The following GSK3B variants were observed in gnomAD, a reference collection of about 807,000 sequenced individuals.
GSK3B encodes the protein glycogen synthase kinase-3 beta.
GSK3B carries 15 observed loss-of-function variants against 56.4 expected under a neutral mutation model. That is an observed-to-expected ratio of 0.27 (90% CI 0.18 to 0.41). The LOEUF is 0.41. Ranked by LOEUF, GSK3B falls within the 10% of genes least tolerant of loss-of-function variation. The probability of loss-of-function intolerance (pLI) is 1.00; values close to 1 mark genes in which losing one functional copy is unlikely to be tolerated. For missense variants in GSK3B, 300 were observed against 513.4 expected, an observed-to-expected ratio of 0.58 and a Z score of 4.02; for synonymous variants, 181 against 188.9, an observed-to-expected ratio of 0.96 and a Z score of 0.34.
chr3:119,875,212 C>T (rs1222590642), intron 8 of GSK3B, among the ~76,000 whole-genome samples: 7 of 151,190 alleles, frequency 4.6e-5, no homozygotes, highest in Non-Finnish European at 1.0e-4. Context: ...TAATTAGTAA[C>T]GAGAATTTTC....
At chr3:120,034,487 T>C (rs1010183018) in intron 1 of GSK3B, among the ~76,000 whole-genome samples, 4 of 152,186 alleles carry the variant, frequency 2.6e-5, no homozygotes, top group Non-Finnish European at 5.9e-5. Flanking sequence ...TAAAAAATTA[T>C]TTCACCATTT....
chr3:120,010,382 C>T (rs747155337), intron 1 of GSK3B, among the ~76,000 whole-genome samples: 2 of 152,082 alleles, frequency 1.3e-5, no homozygotes, highest in Admixed American at 1.3e-4. Context: ...AAAACAGAAT[C>T]ACAGTCTTCT....
At chr3:119,894,165 T>A (rs1392561386) in intron 7 of GSK3B, among the ~76,000 whole-genome samples, 1 of 152,138 alleles carries the variant, frequency 6.6e-6, no homozygotes, top group South Asian at 2.1e-4. Context: ...CATTTTCTTA[T>A]CTATTCATCA....
intron 1 of GSK3B, among the ~76,000 whole-genome samples, chr3:120,037,569 A>G (rs2058033295): frequency 6.6e-6 from 1 of 152,202 alleles, no homozygotes; most frequent in Non-Finnish European, 1.5e-5. Flanking sequence ...TGTTTTATAA[A>G]GTGAACTCCA....
intron 3 of GSK3B, among the ~76,000 whole-genome samples, chr3:119,927,981 AG>A (rs1200355803): frequency 6.6e-6 from 1 of 152,220 alleles, no homozygotes; most frequent in Non-Finnish European, 1.5e-5. Context: ...GACTAAAAAG[AG>A]GTTATTCGAT....
intron 2 of GSK3B, among the ~76,000 whole-genome samples, chr3:119,967,703 G>A (rs895526831): frequency 6.6e-6 from 1 of 152,042 alleles, no homozygotes; most frequent in Non-Finnish European, 1.5e-5. Flanking sequence ...GTAAAGGACT[G>A]AAGCTGTACC....
chr3:120,084,835 G>C (rs1001995784), intron 1 of GSK3B, among the ~76,000 whole-genome samples: 6 of 152,250 alleles, frequency 3.9e-5, no homozygotes, highest in Non-Finnish European at 5.9e-5. Flanking sequence ...CTTATATTTA[G>C]AGAAATAAGT....
chr3:119,835,941 T>C (rs2055683782), intron 10 of GSK3B, among the ~76,000 whole-genome samples: 1 of 152,198 alleles, frequency 6.6e-6, no homozygotes. Context: ...ACTGACAATT[T>C]GCTTAACATT....
chr3:119,895,882 G>A (rs551223542), intron 7 of GSK3B, among the ~76,000 whole-genome samples: 11 of 152,098 alleles, frequency 7.2e-5, no homozygotes, highest in South Asian at 6.2e-4. Flanking sequence ...CCAGCACTTC[G>A]GGAGGCCAAG....
At chr3:120,078,243 C>T (rs1006060890) in intron 1 of GSK3B, among the ~76,000 whole-genome samples, 2 of 151,840 alleles carry the variant, frequency 1.3e-5, no homozygotes, top group African/African-American at 4.8e-5. Flanking sequence ...GAAATTAACA[C>T]AAAAAAAGAT....
At chr3:120,029,304 C>T (rs1320910478) in intron 1 of GSK3B, 32 of 741,410 alleles carry the variant, frequency 4.3e-5, no homozygotes, top group East Asian at 3.8e-4. Flanking sequence ...TTCTCTGCAG[C>T]GGACAATGAT....
At position 120,093,524 on chromosome 3, in the gene GSK3B, A is replaced by G; in HGVS notation, c.-90T>C. 3.7e-6 allele frequency: 3 copies of G among 805,722 alleles called. No homozygotes were observed. The highest frequency in any genetic ancestry group is 4.3e-6 in the Non-Finnish European group (2 of 465,846). The allele number at this position is 805,722 out of a possible 1,614,324, so 49.9% of individuals were successfully genotyped here. On this transcript the variant is annotated 5_prime_UTR_variant, in exon 1 of 11. Coordinates refer to ENST00000264235, the MANE Select transcript of GSK3B (RefSeq NM_001146156.2). Reference sequence around the variant, plus strand: ...GGGGTGTTAGGTTAACGATAAATGCAGCATTAAGTTCTCCCACAGAAGAAA... The same window carrying G: ...GGGGTGTTAGGTTAACGATAAATGCGGCATTAAGTTCTCCCACAGAAGAAA...
At chr3:119,941,437 G>A (rs1249048479) in intron 3 of GSK3B, among the ~76,000 whole-genome samples, 1 of 152,148 alleles carries the variant, frequency 6.6e-6, no homozygotes, top group African/African-American at 2.4e-5. Context: ...AAACACTATA[G>A]CATACTATAC....
At chr3:119,907,250 T>C (rs1328709236) in intron 6 of GSK3B, among the ~76,000 whole-genome samples, 2 of 152,134 alleles carry the variant, frequency 1.3e-5, no homozygotes, top group Non-Finnish European at 1.5e-5. Flanking sequence ...GAATGATTCA[T>C]CTCAGATACA....
In GSK3B at chr3:120,029,452, A is replaced by T. The variant is rs118134324; in HGVS notation, c.89-27213T>A. ...GAGCTTCGCCTCCAGCACAGTGAAC[A>T]TTCTGGATCAAGAGCAGTGTTATTA... On this transcript the variant is annotated intron_variant, in intron 1 of 10. Coordinates refer to ENST00000264235, the MANE Select transcript of GSK3B (RefSeq NM_001146156.2). 3.8e-4 allele frequency: 271 copies of T among 706,890 alleles called. 2 individuals are homozygous for T. In the East Asian group the frequency reaches 7.1e-3, roughly 18 times the overall value. The allele number at this position is 706,890 out of a possible 1,614,324, so 43.8% of individuals were successfully genotyped here. A position where few individuals can be genotyped will look rare whatever the true frequency, so the allele number is the denominator to read the frequency against.
At chr3:119,838,364 A>G (rs1425168484) in intron 10 of GSK3B, among the ~76,000 whole-genome samples, 1 of 152,172 alleles carries the variant, frequency 6.6e-6, no homozygotes, top group Non-Finnish European at 1.5e-5. Context: ...TGTCAATCAG[A>G]GCCATGATTA....
At chr3:120,040,060 C>A (rs984504751) in intron 1 of GSK3B, among the ~76,000 whole-genome samples, 2 of 152,160 alleles carry the variant, frequency 1.3e-5, no homozygotes, top group East Asian at 1.9e-4. Context: ...GCCGGCAGCT[C>A]GGGGAAAGGA....
At chr3:119,917,718 C>T in intron 4 of GSK3B, among the ~76,000 whole-genome samples, 1 of 146,778 alleles carries the variant, frequency 6.8e-6, no homozygotes, top group African/African-American at 2.5e-5. Context: ...TTTAAGATGT[C>T]TTTTTACTGT....
At chr3:119,830,552 T>C (rs990910312) in intron 10 of GSK3B, among the ~76,000 whole-genome samples, 2 of 152,228 alleles carry the variant, frequency 1.3e-5, no homozygotes, top group Middle Eastern at 3.2e-3. Flanking sequence ...TCCCGTTACA[T>C]ATGCACTGGT....
Sources: gnomAD v4.1 joint callset for allele counts (sites outside exome capture counted in the v4.1 genomes callset) on GRCh38, gnomAD v4.1.1 for gene constraint, MANE v1.5 for transcripts, NCBI Gene and HGNC (gene_info 2026-07-23, HGNC 2026-07-21) for gene names.